DNAJC15: variants seen among roughly 807,000 people sequenced by gnomAD.
The protein encoded by DNAJC15 is DnaJ heat shock protein family (Hsp40) member C15, also known as dnaJ homolog subfamily C member 15.
DNAJC15 carries 27 observed loss-of-function variants against 22.4 expected under a neutral mutation model. The observed-to-expected ratio is 1.20, with a 90% CI of 0.89 to 1.66. The LOEUF (loss-of-function observed/expected upper bound fraction) is 1.66, where lower values mean the gene tolerates loss of function less well. Among genes scored for constraint, DNAJC15 ranks in the 40% most tolerant of loss-of-function variants. The pLI is 0.00. For synonymous variants in DNAJC15, 79 were observed against 63.2 expected, an observed-to-expected ratio of 1.25 and a Z score of -1.19; for missense variants, 208 against 187.1, an observed-to-expected ratio of 1.11 and a Z score of -0.65.
chr13:43,026,744 A>G (rs1016219763), intron 1 of DNAJC15, among the ~76,000 whole-genome samples: 4 of 152,222 alleles, frequency 2.6e-5, no homozygotes, highest in African/African-American at 7.2e-5. Context: ...TATGAAATAT[A>G]TCTTGTTGGG....
At chr13:43,101,469 G>A (rs1183699625) in intron 5 of DNAJC15, among the ~76,000 whole-genome samples, 1 of 152,168 alleles carries the variant, frequency 6.6e-6, no homozygotes, top group Non-Finnish European at 1.5e-5. Context: ...TGGTTGCATG[G>A]AAAAGCTTTT....
intron 1 of DNAJC15, among the ~76,000 whole-genome samples, chr13:43,064,082 C>T (rs1335334700): frequency 6.6e-6 from 1 of 152,208 alleles, no homozygotes; most frequent in Non-Finnish European, 1.5e-5. Context: ...TTTCGCTCCT[C>T]TGCCAGGGAA....
chr13:43,108,586 TA>T lies in DNAJC15; in HGVS notation c.*1339del, dbSNP rs2040809805. The T allele has an allele frequency of 6.6e-6, 1 of 152,228 alleles. No individual in the cohort carries two copies. The allele number at this position is 152,228 out of a possible 1,614,324, so 9.4% of individuals were successfully genotyped here. A position where few individuals can be genotyped will look rare whatever the true frequency, so the allele number is the denominator to read the frequency against. ...TTTCAACTTCTAACATTCTGTAGTT[TA>T]GGAGTTCTCAACCTTGGCATTATTG... On this transcript the variant is annotated 3_prime_UTR_variant, in exon 6 of 6. Transcript: ENST00000379221.
intron 5 of DNAJC15, among the ~76,000 whole-genome samples, chr13:43,106,811 A>AG (rs2040799160): frequency 6.7e-6 from 1 of 150,356 alleles, no homozygotes; most frequent in Non-Finnish European, 1.5e-5. Context: ...AAAAAAAAAA[A>AG]CAGTCATGGA....
chr13:43,061,894 G>GGA (rs1190550129), intron 1 of DNAJC15, among the ~76,000 whole-genome samples: 3 of 152,194 alleles, frequency 2.0e-5, no homozygotes, highest in African/African-American at 4.8e-5. Context: ...TAGAGATTTA[G>GGA]GAGATTAGCC....
chr13:43,040,740 C>CTTG (rs2040449889), intron 1 of DNAJC15, among the ~76,000 whole-genome samples: 1 of 151,868 alleles, frequency 6.6e-6, no homozygotes, highest in Non-Finnish European at 1.5e-5. Context: ...GGGTGTTTCT[C>CTTG]GGAGAGGGGG....
chr13:43,102,853 A>G (rs1025362676), intron 5 of DNAJC15, among the ~76,000 whole-genome samples: 1 of 152,112 alleles, frequency 6.6e-6, no homozygotes, highest in Non-Finnish European at 1.5e-5. Flanking sequence ...CCAGCCTCAT[A>G]AAAAGAGTTT....
intron 4 of DNAJC15, among the ~76,000 whole-genome samples, chr13:43,084,936 A>C (rs2040680247): frequency 6.6e-6 from 1 of 152,212 alleles, no homozygotes; most frequent in Non-Finnish European, 1.5e-5. Flanking sequence ...GTACTGTTCT[A>C]ACATTTCGTA....
intron 5 of DNAJC15, among the ~76,000 whole-genome samples, chr13:43,097,652 T>C (rs952864307): frequency 7.9e-5 from 12 of 151,748 alleles, no homozygotes; most frequent in African/African-American, 2.9e-4. Flanking sequence ...AAAAAAAAGG[T>C]CTAGGCCCGG....
chr13:43,034,258 AGTAATCT>A (rs1208548563), intron 1 of DNAJC15, among the ~76,000 whole-genome samples: 1 of 145,832 alleles, frequency 6.9e-6, no homozygotes, highest in African/African-American at 2.5e-5. Context: ...TTAAATGTAG[AGTAATCT>A]GTCAGATTAT....
chr13:43,099,992 A>T (rs538787795), intron 5 of DNAJC15, among the ~76,000 whole-genome samples: 1 of 152,092 alleles, frequency 6.6e-6, no homozygotes. Flanking sequence ...TCTATAAGCC[A>T]TCAGGGGCTG....
Position 43,078,679 on chromosome 13 carries a change from T to G in DNAJC15, c.302T>G (p.Leu101Ter), listed in dbSNP as rs758416718. ...KMSRREAGLI[L>*]GVSPSAGKAK... ...AGTAGGCGAGAAGCTGGTCTTATTT[T>G]AGGTGTAAGGTAGGTGTGCAGCATA... is the stretch of plus-strand genomic sequence containing the variant. The change falls in exon 4 of 6, where the codon TTA becomes TGA. Residue 101 changes from leucine to a stop codon, truncating the protein, a stop_gained. Transcript: ENST00000379221. LOFTEE classifies it high-confidence loss of function. The G allele has an allele frequency of 1.2e-6, 2 of 1,613,584 alleles. No homozygotes were observed. The highest frequency in any genetic ancestry group is 2.2e-5 in the South Asian group (2 of 91,026).
At chr13:43,096,761 C>A (rs187254902) in intron 5 of DNAJC15, among the ~76,000 whole-genome samples, 147 of 152,278 alleles carry the variant, frequency 9.7e-4, no homozygotes, top group African/African-American at 3.3e-3. Flanking sequence ...TGGCCTTTGT[C>A]ATTTGTTTTG....
At chr13:43,034,928 T>G (rs1250987354) in intron 1 of DNAJC15, among the ~76,000 whole-genome samples, 2 of 152,212 alleles carry the variant, frequency 1.3e-5, no homozygotes, top group East Asian at 3.9e-4. Flanking sequence ...ACATTTTATC[T>G]CATGGGGAGC....
At chr13:43,050,120 A>G (rs1371038734) in intron 1 of DNAJC15, among the ~76,000 whole-genome samples, 1 of 151,992 alleles carries the variant, frequency 6.6e-6, no homozygotes, top group Admixed American at 6.6e-5. Flanking sequence ...GGGTTTTGTC[A>G]TGTTGGCCAG....
intron 5 of DNAJC15, among the ~76,000 whole-genome samples, chr13:43,090,392 G>T (rs1018797349): frequency 1.3e-5 from 2 of 152,130 alleles, no homozygotes; most frequent in Non-Finnish European, 2.9e-5. Flanking sequence ...TTAGGTTGTA[G>T]TTCATTACGT....
chr13:43,086,375 G>T (rs1053069221), intron 5 of DNAJC15, among the ~76,000 whole-genome samples: 2 of 152,038 alleles, frequency 1.3e-5, no homozygotes, highest in Non-Finnish European at 2.9e-5. Context: ...CACTACAGCT[G>T]CTTGAGAGGG....
intron 5 of DNAJC15, among the ~76,000 whole-genome samples, chr13:43,095,707 G>C (rs2040736568): frequency 6.6e-6 from 1 of 152,154 alleles, no homozygotes; most frequent in Non-Finnish European, 1.5e-5. Flanking sequence ...TGATACCATA[G>C]AAGCTAAGAA....
At chr13:43,049,692 C>T (rs2040494154) in intron 1 of DNAJC15, among the ~76,000 whole-genome samples, 2 of 152,152 alleles carry the variant, frequency 1.3e-5, no homozygotes, top group South Asian at 2.1e-4. Context: ...TTCTCTTATA[C>T]TTCTGTTTTC....
Sources: gnomAD v4.1 joint callset for allele counts (sites outside exome capture counted in the v4.1 genomes callset) on GRCh38, gnomAD v4.1.1 for gene constraint, MANE v1.5 for transcripts, NCBI Gene and HGNC (gene_info 2026-07-23, HGNC 2026-07-21) for gene names.